The following ACYP2 variants were observed in gnomAD, a reference collection of about 807,000 sequenced individuals.
The protein encoded by ACYP2 is acylphosphatase 2.
ACYP2 carries 12 observed loss-of-function variants against 11.2 expected under a neutral mutation model. The ratio of observed to expected loss-of-function variants is 1.08; its 90% CI spans 0.69 to 1.74. ACYP2 has a LOEUF of 1.74. Ranked by LOEUF, ACYP2 falls within the 40% of genes most tolerant of loss-of-function variation. The probability of loss-of-function intolerance (pLI) is 0.00; values close to 1 mark genes in which losing one functional copy is unlikely to be tolerated. For missense variants in ACYP2, 134 were observed against 101.9 expected (o/e 1.31, Z -1.35); for synonymous variants, 43 against 32.2 (o/e 1.33, Z -1.13).
At chr2:54,064,318 G>C (rs941040383) in intron 4 of ACYP2, among the ~76,000 whole-genome samples, 1 of 152,212 alleles carries the variant, frequency 6.6e-6, no homozygotes, top group Admixed American at 6.5e-5. Context: ...ACACCACCCA[G>C]CCAGTATCTG....
intron 4 of ACYP2, among the ~76,000 whole-genome samples, chr2:54,090,893 C>T (rs560846120): frequency 6.6e-6 from 1 of 152,228 alleles, no homozygotes; most frequent in African/African-American, 2.4e-5. Flanking sequence ...TCCTGTTTTC[C>T]ATGTATTTGG....
At chr2:54,098,109 C>T (rs1008575758) in intron 4 of ACYP2, among the ~76,000 whole-genome samples, 2 of 151,614 alleles carry the variant, frequency 1.3e-5, no homozygotes, top group African/African-American at 2.4e-5. Flanking sequence ...ATTATAGGCA[C>T]GTGCTATCAT....
At chr2:54,093,370 G>A (rs1048902185) in intron 4 of ACYP2, among the ~76,000 whole-genome samples, 3 of 152,200 alleles carry the variant, frequency 2.0e-5, no homozygotes, top group Admixed American at 1.3e-4. Context: ...GATTAGGTGG[G>A]AGATTTGCTT....
intron 6 of ACYP2, among the ~76,000 whole-genome samples, chr2:54,243,858 C>G (rs1572983197): frequency 6.6e-6 from 1 of 151,900 alleles, no homozygotes; most frequent in Admixed American, 6.6e-5. Flanking sequence ...TACTGGCAGG[C>G]CCATAGTCCA....
intron 2 of ACYP2, among the ~76,000 whole-genome samples, chr2:54,017,272 C>CT (rs143681564): frequency 0.017 from 2,146 of 123,106 alleles, 31 homozygotes; most frequent in African/African-American, 0.031. Flanking sequence ...CTTTTCTTTT[C>CT]TTTTTTTTTT....
At chr2:54,201,777 T>G (rs1464560256) in intron 6 of ACYP2, among the ~76,000 whole-genome samples, 1 of 151,038 alleles carries the variant, frequency 6.6e-6, no homozygotes, top group Non-Finnish European at 1.5e-5. Context: ...TGGCACAGTC[T>G]CAGTCACCGC....
At chr2:54,281,647 G>A (rs188395514) in intron 6 of ACYP2, among the ~76,000 whole-genome samples, 3 of 152,098 alleles carry the variant, frequency 2.0e-5, no homozygotes, top group African/African-American at 7.2e-5. Context: ...CTGGTATTAC[G>A]AAGTAAAATT....
At chr2:54,044,958 G>C (rs1675434672) in intron 2 of ACYP2, among the ~76,000 whole-genome samples, 1 of 152,174 alleles carries the variant, frequency 6.6e-6, no homozygotes, top group Non-Finnish European at 1.5e-5. Context: ...TCTTTGACCT[G>C]CTTCCTCATC....
intron 6 of ACYP2, among the ~76,000 whole-genome samples, chr2:54,299,135 T>C (rs982373284): frequency 6.6e-6 from 1 of 152,192 alleles, no homozygotes; most frequent in African/African-American, 2.4e-5. Context: ...CCCTGGAATG[T>C]TGAGGCCTTA....
intron 2 of ACYP2, among the ~76,000 whole-genome samples, chr2:54,027,729 C>A (rs572250929): frequency 1.5e-4 from 23 of 151,840 alleles, no homozygotes; most frequent in Admixed American, 6.6e-4. Flanking sequence ...GAATAAAAGT[C>A]CATACTTTAT....
At chr2:54,121,813 G>A (rs367673106) in intron 4 of ACYP2, among the ~76,000 whole-genome samples, 7 of 152,200 alleles carry the variant, frequency 4.6e-5, no homozygotes, top group Admixed American at 1.3e-4. Context: ...TCTCTCACTA[G>A]AAAATAATGA....
intron 3 of ACYP2, among the ~76,000 whole-genome samples, chr2:54,056,811 T>C (rs995072369): frequency 6.6e-6 from 1 of 152,178 alleles, no homozygotes; most frequent in African/African-American, 2.4e-5. Context: ...TTGATTCCTA[T>C]ATTAAGAATA....
At chr2:53,983,963 G>C (rs1671887954) in intron 2 of ACYP2, among the ~76,000 whole-genome samples, 1 of 152,168 alleles carries the variant, frequency 6.6e-6, no homozygotes, top group Non-Finnish European at 1.5e-5. Context: ...AGCAGTCATG[G>C]ATGCCTTCCT....
At chr2:54,033,237 G>T in intron 2 of ACYP2, among the ~76,000 whole-genome samples, 1 of 146,756 alleles carries the variant, frequency 6.8e-6, no homozygotes, top group Non-Finnish European at 1.5e-5. Context: ...TTGCGTTGTT[G>T]TCCAGGCTGG....
At chr2:54,267,992 C>T (rs1479239653) in intron 6 of ACYP2, among the ~76,000 whole-genome samples, 2 of 152,190 alleles carry the variant, frequency 1.3e-5, no homozygotes, top group African/African-American at 4.8e-5. Context: ...AATGCTCATA[C>T]TACACTTACC....
At chr2:54,107,380 G>T (rs1187700639) in intron 4 of ACYP2, among the ~76,000 whole-genome samples, 1 of 151,956 alleles carries the variant, frequency 6.6e-6, no homozygotes, top group Non-Finnish European at 1.5e-5. Context: ...ACTATTCTTA[G>T]CTTGTTTTTT....
chr2:54,139,448 T>C lies in ACYP2; in HGVS notation c.404+700T>C, dbSNP rs533065455. On this transcript the variant is annotated intron_variant, in intron 6 of 6. Coordinates refer to ENST00000607452, the MANE Select transcript of ACYP2 (RefSeq NM_001320586.2). ...CCAGATTCAGTAATATGGGGAAAAA[T>C]GTCCTGTGTACACAATGACGTTTTC... Among the ~76,000 whole-genome samples the C allele has an allele frequency of 8.5e-5, 13 of 152,362 alleles. No homozygotes were observed. The South Asian group carries it at 2.5e-3, about 29-fold the overall frequency.
intron 4 of ACYP2, among the ~76,000 whole-genome samples, chr2:54,070,978 C>T (rs1367810560): frequency 1.3e-5 from 2 of 151,970 alleles, no homozygotes; most frequent in Non-Finnish European, 2.9e-5. Flanking sequence ...TCTCAAACTT[C>T]TGAGCTCAAG....
intron 3 of ACYP2, chr2:54,051,795 G>C (rs565280206): frequency 2.4e-6 from 1 of 413,634 alleles, no homozygotes; most frequent in African/African-American, 2.1e-5. Context: ...CTGTAATCCC[G>C]GCACTTTGGG....
Sources: allele counts gnomAD v4.1 joint callset (sites outside exome capture counted in the v4.1 genomes callset), GRCh38; gene constraint gnomAD v4.1.1; transcripts MANE v1.5; gene names NCBI Gene and HGNC (gene_info 2026-07-23, HGNC 2026-07-21).